Variants in ST6GAL1 observed in about 807,000 individuals in gnomAD.
The protein encoded by ST6GAL1 is beta-galactoside alpha-2,6-sialyltransferase 1.
In ST6GAL1, 20 loss-of-function variants were observed where a neutral mutation model predicts 38.0. The observed-to-expected ratio is 0.53, with a 90% CI of 0.37 to 0.77. The LOEUF (loss-of-function observed/expected upper bound fraction) is 0.77. Ranked by LOEUF, ST6GAL1 falls within the 30% of genes least tolerant of loss-of-function variation. The pLI is 0.00. For missense variants in ST6GAL1, 432 were observed against 496.4 expected, an observed-to-expected ratio of 0.87 and a Z score of 1.23; for synonymous variants, 196 against 188.2, an observed-to-expected ratio of 1.04 and a Z score of -0.34.
At chr3:187,050,560 G>GAGAGAGAGAT (rs371144529) in intron 4 of ST6GAL1, among the ~76,000 whole-genome samples, 1 of 149,588 alleles carries the variant, frequency 6.7e-6, no homozygotes, top group Admixed American at 6.7e-5. Context: ...GAGAGAGAGA[G>GAGAGAGAGAT]GGAGGGAGGG....
chr3:186,960,290 G>C (rs1714889635), intron 1 of ST6GAL1, among the ~76,000 whole-genome samples: 1 of 152,208 alleles, frequency 6.6e-6, no homozygotes, highest in Non-Finnish European at 1.5e-5. Flanking sequence ...AGAGGAGAAA[G>C]GGGATTGGCT....
chr3:186,998,529 G>T (rs1472710352), intron 2 of ST6GAL1, among the ~76,000 whole-genome samples: 1 of 152,136 alleles, frequency 6.6e-6, no homozygotes, highest in Non-Finnish European at 1.5e-5. Context: ...GGAAGAGGAG[G>T]GATTGGGTTT....
chr3:187,066,620 G>A (rs1719149204), intron 5 of ST6GAL1, among the ~76,000 whole-genome samples: 1 of 151,930 alleles, frequency 6.6e-6, no homozygotes, highest in Admixed American at 6.6e-5. Flanking sequence ...GTGTGTGTGT[G>A]TGTGTGTGTG....
At position 186,952,898 on chromosome 3, in the gene ST6GAL1, A is replaced by G. The variant is rs919930476; in HGVS notation, c.-324-10887A>G. 7.2e-5 allele frequency among the ~76,000 whole-genome samples: 11 copies of G among 152,202 alleles called. No individual in the cohort carries two copies. Among genetic ancestry groups the G allele is most frequent in the African/African-American group, 2.7e-4 (11 of 41,454 alleles). ...AAAAGAGCCATCCTCATTTCAGTGGACAACAATTTCATCTTTCCATCTTTT... is the reference window on the plus strand; with the variant it reads ...AAAAGAGCCATCCTCATTTCAGTGGGCAACAATTTCATCTTTCCATCTTTT... On this transcript the variant is annotated intron_variant, in intron 1 of 7. Coordinates refer to ENST00000169298, the MANE Select transcript of ST6GAL1 (RefSeq NM_173216.2). The surrounding 1 kb of genome is among the most constrained non-coding windows in gnomAD (Gnocchi z 4.1).
chr3:186,993,228 G>A (rs1017430935), intron 2 of ST6GAL1, among the ~76,000 whole-genome samples: 1 of 152,210 alleles, frequency 6.6e-6, no homozygotes, highest in Non-Finnish European at 1.5e-5. Flanking sequence ...CTGCTGGTGG[G>A]CCCTGTTTGG....
intron 5 of ST6GAL1, among the ~76,000 whole-genome samples, chr3:187,065,881 G>C (rs186395005): frequency 6.6e-6 from 1 of 152,282 alleles, no homozygotes; most frequent in Non-Finnish European, 1.5e-5. Context: ...TGTGAGGTAT[G>C]ACCACCAACC....
intron 2 of ST6GAL1, among the ~76,000 whole-genome samples, chr3:187,016,029 C>T (rs1328442083): frequency 3.3e-5 from 5 of 152,164 alleles, no homozygotes; most frequent in Non-Finnish European, 5.9e-5. Context: ...AATGAGCTGT[C>T]GGATGTCCAG....
chr3:186,934,868 G>A (rs1004091302), intron 1 of ST6GAL1, among the ~76,000 whole-genome samples: 66 of 152,070 alleles, frequency 4.3e-4, no homozygotes, highest in Middle Eastern at 3.4e-3. Context: ...CCGGGTTCAC[G>A]CCATTCTCCT....
intron 2 of ST6GAL1, among the ~76,000 whole-genome samples, chr3:186,993,287 C>T (rs6786531): frequency 0.21 from 31,208 of 152,194 alleles, 3,623 homozygotes; most frequent in Non-Finnish European, 0.26. Context: ...TCAGAAACAT[C>T]CAGTCTGGTT....
At chr3:187,013,283 C>G (rs1366594683) in intron 2 of ST6GAL1, among the ~76,000 whole-genome samples, 1 of 152,182 alleles carries the variant, frequency 6.6e-6, no homozygotes. Context: ...AAGCCTTCTC[C>G]CATCTATTAC....
At chr3:186,977,655 C>T (rs958101976) in intron 2 of ST6GAL1, among the ~76,000 whole-genome samples, 10 of 152,142 alleles carry the variant, frequency 6.6e-5, no homozygotes, top group Admixed American at 1.3e-4. Context: ...GAGACACAGC[C>T]GTCCTCTGAG....
intron 2 of ST6GAL1, among the ~76,000 whole-genome samples, chr3:186,980,852 A>G (rs539335671): frequency 2.0e-5 from 3 of 152,118 alleles, no homozygotes; most frequent in South Asian, 4.2e-4. Flanking sequence ...ACTCAAAACT[A>G]TCTGCAAGTG....
chr3:186,976,295 G>T (rs528129219), intron 2 of ST6GAL1, among the ~76,000 whole-genome samples: 2 of 152,204 alleles, frequency 1.3e-5, no homozygotes, highest in Non-Finnish European at 2.9e-5. Flanking sequence ...TGGAAACAGA[G>T]AGTTGATAGT....
At chr3:187,051,153 A>G in intron 4 of ST6GAL1, 96 bp from the exon 5 acceptor site, 1 of 1,044,194 alleles carries the variant, frequency 9.6e-7, no homozygotes, top group Non-Finnish European at 1.5e-6. Context: ...ATGGGGAAGC[A>G]TTATTCCCTT....
At chr3:187,057,535 A>G (rs1301236676) in intron 5 of ST6GAL1, among the ~76,000 whole-genome samples, 1 of 152,078 alleles carries the variant, frequency 6.6e-6, no homozygotes, top group Non-Finnish European at 1.5e-5. Flanking sequence ...TTTTCCTTCT[A>G]ACAGTCAGGT....
chr3:187,048,646 G>A (rs1444647906), intron 4 of ST6GAL1, among the ~76,000 whole-genome samples: 1 of 152,144 alleles, frequency 6.6e-6, no homozygotes, highest in Admixed American at 6.5e-5. Context: ...TATCTCTGAG[G>A]GCATGGACCT....
At chr3:187,065,359 CATG>C (rs1003927646) in intron 5 of ST6GAL1, among the ~76,000 whole-genome samples, 1 of 152,106 alleles carries the variant, frequency 6.6e-6, no homozygotes, top group Non-Finnish European at 1.5e-5. Flanking sequence ...CTCCCTTGGC[CATG>C]ATGAAGGCAT....
At chr3:186,984,913 TTTTC>T (rs1464571141) in intron 2 of ST6GAL1, among the ~76,000 whole-genome samples, 5 of 149,972 alleles carry the variant, frequency 3.3e-5, no homozygotes, top group South Asian at 2.1e-4. Flanking sequence ...TGTCTCTCTC[TTTTC>T]TTTCTTTCTG....
At chr3:187,024,062 A>C (rs920922617) in intron 2 of ST6GAL1, among the ~76,000 whole-genome samples, 1 of 151,604 alleles carries the variant, frequency 6.6e-6, no homozygotes, top group Admixed American at 6.6e-5. Flanking sequence ...ATACATATAT[A>C]TGTTTTATAT....
Sources: gnomAD v4.1 joint callset for allele counts (sites outside exome capture counted in the v4.1 genomes callset) on GRCh38, gnomAD v4.1.1 for gene constraint, Gnocchi (gnomAD v3.1) non-coding constraint, MANE v1.5 for transcripts, NCBI Gene and HGNC (gene_info 2026-07-23, HGNC 2026-07-21) for gene names.